PAK1IP1: variants seen among roughly 807,000 people sequenced by gnomAD.
PAK1IP1 encodes the protein PAK1 interacting protein 1.
A neutral mutation model predicts 42.0 loss-of-function variants in PAK1IP1; 24 were observed. The ratio of observed to expected loss-of-function variants is 0.57; its 90% CI spans 0.41 to 0.80. The LOEUF is 0.80. PAK1IP1 is among the 30% of genes least tolerant of loss of function. PAK1IP1 has a pLI of 0.00. For missense variants in PAK1IP1, 411 were observed against 467.9 expected, an observed-to-expected ratio of 0.88 and a Z score of 1.12; for synonymous variants, 154 against 156.7, an observed-to-expected ratio of 0.98 and a Z score of 0.13.
rs183262240 is a variant in PAK1IP1, at chr6:10,705,477, T to C, written c.740+633T>C. ...TCTTGAGCTTTGTTCCCATCTACTT[T>C]TGTCCTTTTACATAAGTCCCCTTGC... is the stretch of plus-strand genomic sequence containing the variant. On this transcript the variant is annotated intron_variant, in intron 7 of 9. Coordinates refer to ENST00000379568, the MANE Select transcript of PAK1IP1 (RefSeq NM_017906.3). Among the ~76,000 whole-genome samples the C allele has an allele frequency of 1.3e-3, 194 of 152,346 alleles. 1 individual carries two copies. Among genetic ancestry groups the C allele is most frequent in the South Asian group, 2.1e-3 (10 of 4,830 alleles).
upstream of PAK1IP1, chr6:10,694,919 TTTTG>T: frequency 2.1e-6 from 2 of 948,714 alleles, no homozygotes; most frequent in Admixed American, 2.3e-5. Context: ...TTTTTTTTTT[TTTTG>T]GTTTCCGGTT....
chr6:10,704,738 C>G lies in PAK1IP1; in HGVS notation c.643-9C>G, dbSNP rs145613237. The G allele has an allele frequency of 3.7e-6, 6 of 1,607,360 alleles. No homozygotes were observed. Among genetic ancestry groups the G allele is most frequent in the Admixed American group, 1.7e-5 (1 of 59,980 alleles). ...TCTGGATGTTATTACTCTTTTTCCT[C>G]TCTCCTAGGAGTCTGTCCTTGCAGT... is the stretch of plus-strand genomic sequence containing the variant. On this transcript the variant is annotated splice_polypyrimidine_tract_variant and intron_variant, in intron 6 of 9. Coordinates refer to ENST00000379568, the MANE Select transcript of PAK1IP1 (RefSeq NM_017906.3).
At chr6:10,705,114 A>G (rs529424218) in intron 7 of PAK1IP1, among the ~76,000 whole-genome samples, 16 of 152,178 alleles carry the variant, frequency 1.1e-4, no homozygotes, top group Non-Finnish European at 1.8e-4. Context: ...CAGGAGGTCA[A>G]GAGATCAAGA....
rs1006955729 is a variant in PAK1IP1 at position 10,708,939 on chromosome 6, T to C, written c.841-14T>C. On this transcript the variant is annotated splice_polypyrimidine_tract_variant and intron_variant, in intron 8 of 9. Coordinates refer to ENST00000379568, the MANE Select transcript of PAK1IP1 (RefSeq NM_017906.3). ...TGAAAATGCACATTATGAATGTTTG[T>C]TTCTTCTGTTTAGAAAGTTCCCCCA... The C allele has an allele frequency of 6.3e-7, 1 of 1,585,500 alleles. No individual in the cohort carries two copies. Among genetic ancestry groups the C allele is most frequent in the Non-Finnish European group, 8.6e-7 (1 of 1,166,090 alleles).
intron 2 of PAK1IP1, among the ~76,000 whole-genome samples, chr6:10,699,656 T>G (rs1247369830): frequency 3.3e-5 from 5 of 152,154 alleles, no homozygotes; most frequent in African/African-American, 1.2e-4. Context: ...GCCAAGAAAG[T>G]TGGTTTTCTG....
At chr6:10,709,175 G>A (rs1770302993) in intron 9 of PAK1IP1, 63 bp from the exon 10 acceptor site, 4 of 1,516,746 alleles carry the variant, frequency 2.6e-6, no homozygotes, top group Admixed American at 1.9e-5. Context: ...TTGACAGCTT[G>A]TGTTTATTTC....
intron 2 of PAK1IP1, among the ~76,000 whole-genome samples, chr6:10,700,998 A>C (rs560221160): frequency 2.6e-5 from 4 of 151,954 alleles, no homozygotes; most frequent in Non-Finnish European, 4.4e-5. Flanking sequence ...TTCCCCTCCC[A>C]CAGGCCCCAG....
chr6:10,702,248 A>G lies in PAK1IP1; in HGVS notation c.248-121A>G, dbSNP rs1263554062. The G allele has an allele frequency of 4.3e-5, 35 of 818,242 alleles. 1 individual carries two copies. Among genetic ancestry groups the G allele is most frequent in the Non-Finnish European group, 1.5e-5 (8 of 531,710 alleles). 50.7% of individuals were successfully genotyped at this position (818,242 alleles called of 1,614,324 possible). A position where few individuals can be genotyped will look rare whatever the true frequency, so the allele number is the denominator to read the frequency against. ...AGAGTGAAACCCTGCCTCAAAAAAA[A>G]AAAAAAGAAAAAGAAAAAAAGGTAT... On this transcript the variant is annotated intron_variant, in intron 2 of 9. Transcript: ENST00000379568.
At position 10,702,349 on chromosome 6, in the gene PAK1IP1, C is replaced by T; in HGVS notation, c.248-20C>T. Reference sequence around the variant, plus strand: ...CATTTAAAATGAATATTATTTTTGCCTATTTTGGTTTTTCCATAGGTACAA... The same window carrying T: ...CATTTAAAATGAATATTATTTTTGCTTATTTTGGTTTTTCCATAGGTACAA... On this transcript the variant is annotated intron_variant, in intron 2 of 9. Transcript: ENST00000379568. 6.2e-7 allele frequency: 1 copy of T among 1,602,748 alleles called. No homozygotes were observed. Among genetic ancestry groups the T allele is most frequent in the Non-Finnish European group, 8.5e-7 (1 of 1,170,508 alleles).
chr6:10,701,169 C>T (rs747922778), intron 2 of PAK1IP1, among the ~76,000 whole-genome samples: 8 of 152,050 alleles, frequency 5.3e-5, no homozygotes, highest in East Asian at 1.9e-4. Context: ...CTCCATCTCC[C>T]GGGTTCAAGC....
chr6:10,698,832 C>T (rs186981046), intron 2 of PAK1IP1, among the ~76,000 whole-genome samples: 23 of 152,208 alleles, frequency 1.5e-4, no homozygotes, highest in Admixed American at 3.3e-4. Context: ...TTGGTGTGTG[C>T]GGTAGAAGGA....
chr6:10,698,012 C>T (rs1769908886), intron 2 of PAK1IP1, among the ~76,000 whole-genome samples: 1 of 152,108 alleles, frequency 6.6e-6, no homozygotes, highest in Non-Finnish European at 1.5e-5. Flanking sequence ...AAAATGACAT[C>T]TGAATTATCT....
In PAK1IP1 at chr6:10,702,391, C is replaced by A; in HGVS notation, c.270C>A (p.Phe90Leu). 6.2e-7 allele frequency: 1 copy of A among 1,613,312 alleles called. No homozygotes were observed. The highest frequency in any genetic ancestry group is 8.5e-7 in the Non-Finnish European group (1 of 1,179,296). The change falls in exon 3 of 10, where the codon TTC becomes TTA. Residue 90 changes from phenylalanine to leucine, a missense_variant. Physicochemically the swap from Phe to Leu is conservative, Grantham distance 22 (BLOSUM62 0). Coordinates refer to ENST00000379568, the MANE Select transcript of PAK1IP1 (RefSeq NM_017906.3). ...HHSGTITCLK[F>L]YGNRHLISGA... ...TAGGTACAATAACTTGCCTGAAATT[C>A]TATGGCAACAGGCATTTAATCAGTG...
At chr6:10,694,594 CCCT>C, upstream of PAK1IP1, 3 of 179,506 alleles carry the variant, frequency 1.7e-5, no homozygotes, top group East Asian at 1.6e-4. Context: ...GCGCTACAGC[CCCT>C]AAGCAACCGG....
At position 10,702,581 on chromosome 6, in the gene PAK1IP1, C is replaced by T. The variant is rs200433932; in HGVS notation, c.385C>T (p.Leu129Phe). The T allele has an allele frequency of 6.2e-7, 1 of 1,613,900 alleles. No homozygotes were observed. The highest frequency in any genetic ancestry group is 1.3e-5 in the African/African-American group (1 of 75,038). The change falls in exon 4 of 10, where the codon CTT becomes TTT. Residue 129 changes from leucine to phenylalanine, a missense_variant. Leu to Phe is a conservative substitution (Grantham distance 22). Transcript: ENST00000379568. ...TCATTATAGAGGACAGGTGACCTTC[C>T]TTTCTATTCACCCATCTGGCAAGTT... ...IKAHKGQVTF[L>F]SIHPSGKLAL...
upstream of PAK1IP1, among the ~76,000 whole-genome samples, chr6:10,694,056 T>G (rs919713121): frequency 6.6e-6 from 1 of 151,910 alleles, no homozygotes; most frequent in Non-Finnish European, 1.5e-5. Flanking sequence ...GGTCGGGAGT[T>G]CAAAACCAGC....
At chr6:10,692,453 C>CT (rs56896858), upstream of PAK1IP1, among the ~76,000 whole-genome samples, 152 of 151,488 alleles carry the variant, frequency 1.0e-3, no homozygotes, top group African/African-American at 3.3e-3. Flanking sequence ...GAAAGAATGA[C>CT]TTTTTTTTTG....
Position 10,703,403 on chromosome 6 carries a change from A to G in PAK1IP1, c.444-2A>G, listed in dbSNP as rs1223678520. On this transcript the variant is annotated splice_acceptor_variant, in intron 4 of 9. Coordinates refer to ENST00000379568, the MANE Select transcript of PAK1IP1 (RefSeq NM_017906.3). LOFTEE classifies it high-confidence loss of function. ...ACCGTAAGTGAGCTTCCTGTTTTGC[A>G]GAACGTGGAATCTTGTAGAAGGAAG... The G allele has an allele frequency of 6.2e-7, 1 of 1,610,026 alleles. No homozygotes were observed. Among genetic ancestry groups the G allele is most frequent in the Non-Finnish European group, 8.5e-7 (1 of 1,177,300 alleles).
In PAK1IP1 at chr6:10,704,544, G is replaced by A; in HGVS notation, c.534G>A (p.Gln178=). 6.3e-7 allele frequency: 1 copy of A among 1,599,902 alleles called. No homozygotes were observed. Among genetic ancestry groups the A allele is most frequent in the Non-Finnish European group, 8.6e-7 (1 of 1,168,824 alleles). Residue 178 remains glutamine (Q), a synonymous_variant, in exon 6 of 10, where the codon CAG becomes CAA. Coordinates refer to ENST00000379568, the MANE Select transcript of PAK1IP1 (RefSeq NM_017906.3). ...TAGAATGGTCCCCAAGAGGAGAGCAGTATGTAGTTATCATACAGAATAAAA... is the reference window on the plus strand; with the variant it reads ...TAGAATGGTCCCCAAGAGGAGAGCAATATGTAGTTATCATACAGAATAAAA... ...HIVEWSPRGE[Q]YVVIIQNKID... is the part of the protein sequence containing the mutation.
Sources: allele counts gnomAD v4.1 joint callset (sites outside exome capture counted in the v4.1 genomes callset), GRCh38; gene constraint gnomAD v4.1.1; transcripts MANE v1.5; gene names NCBI Gene and HGNC (gene_info 2026-07-23, HGNC 2026-07-21).